The following FGF13 variants were observed in gnomAD, a reference collection of about 807,000 sequenced individuals.
FGF13 encodes the protein fibroblast growth factor homologous factor 2.
A neutral mutation model predicts 19.5 loss-of-function variants in FGF13; 2 were observed. The ratio of observed to expected loss-of-function variants is 0.10; its 90% CI spans 0.04 to 0.32. The LOEUF is 0.32. FGF13 is among the 10% of genes least tolerant of loss of function. The pLI is 1.00. For missense variants in FGF13, 113 were observed against 192.7 expected (o/e 0.59, Z 2.45); for synonymous variants, 72 against 76.9 (o/e 0.94, Z 0.33).
At chrX:138,770,637 T>C (rs1167503228) in intron 3 of FGF13, among the ~76,000 whole-genome samples, 1 of 111,730 alleles carries the variant, frequency 9.0e-6, no homozygotes, top group Non-Finnish European at 1.9e-5. Flanking sequence ...TGCTTGTCTG[T>C]CCCATGCCAG....
In FGF13 at chrX:138,980,364, A is replaced by G. The variant is rs184552712; in HGVS notation, c.-112-115714T>C. On this transcript the variant is annotated intron_variant, in intron 1 of 2. Coordinates refer to the FGF13 transcript ENST00000421460. ...TGCAAATCTCCTTGAAACATGTAGC[A>G]TCCTACCTTTCAAATTCTTAAGTAG... is the stretch of plus-strand genomic sequence containing the variant. Among the ~76,000 whole-genome samples, 3 of 111,857 alleles carry G rather than the reference A, an allele frequency of 2.7e-5. No individual in the cohort carries two copies. In the East Asian group the frequency reaches 8.4e-4, roughly 31 times the overall value.
intron 3 of FGF13, among the ~76,000 whole-genome samples, chrX:138,664,838 A>T (rs1382968012): frequency 9.0e-6 from 1 of 111,548 alleles, no homozygotes; most frequent in Non-Finnish European, 1.9e-5. Context: ...TAGGAAACAT[A>T]CTACTTATTT....
chrX:138,682,871 T>C, intron 3 of FGF13, among the ~76,000 whole-genome samples: 1 of 112,113 alleles, frequency 8.9e-6, no homozygotes, highest in Non-Finnish European at 1.9e-5. Flanking sequence ...AGGACTTATA[T>C]TACTTTTGCT....
intron 1 of FGF13, among the ~76,000 whole-genome samples, chrX:139,161,129 A>G (rs1447961254): frequency 8.9e-6 from 1 of 112,241 alleles, no homozygotes; most frequent in Admixed American, 9.4e-5. Context: ...CTAGCAGCAC[A>G]TTAAAAAGCT....
chrX:138,848,450 A>T lies in FGF13; in HGVS notation c.217+9062T>A, dbSNP rs770221972. 2.2e-3 allele frequency among the ~76,000 whole-genome samples: 247 copies of T among 111,017 alleles called. 1 individual carries two copies. The highest frequency in any genetic ancestry group is 2.9e-3 in the Non-Finnish European group (155 of 52,813). ...CATTAGAATCACTTAGATAGATTTTAAAAAAAAGTACCCCTGTTGAGCCGC... is the reference window on the plus strand; with the variant it reads ...CATTAGAATCACTTAGATAGATTTTTAAAAAAAGTACCCCTGTTGAGCCGC... On this transcript the variant is annotated intron_variant, in intron 3 of 6. Transcript: ENST00000436198.
chrX:139,168,771 C>T (rs771261233), intron 1 of FGF13, among the ~76,000 whole-genome samples: 248 of 111,755 alleles, frequency 2.2e-3, no homozygotes, highest in Non-Finnish European at 3.7e-3. Context: ...ACCATAGCAT[C>T]CAATTTTGTA....
intron 3 of FGF13, among the ~76,000 whole-genome samples, chrX:138,779,434 T>A (rs1212198048): frequency 1.8e-5 from 2 of 109,633 alleles, no homozygotes; most frequent in African/African-American, 6.7e-5. Context: ...TAGAAGAATG[T>A]ATAACTAGAA....
chrX:138,641,511 A>G (rs2089251143), intron 3 of FGF13, among the ~76,000 whole-genome samples: 1 of 112,277 alleles, frequency 8.9e-6, no homozygotes, highest in Non-Finnish European at 1.9e-5. Flanking sequence ...ATTATTCCCC[A>G]GCCTAATGAA....
chrX:139,109,533 TAAGAGTATGGGCTTAA>T (rs1196263423), intron 1 of FGF13, among the ~76,000 whole-genome samples: 3 of 111,520 alleles, frequency 2.7e-5, no homozygotes, highest in Non-Finnish European at 5.7e-5. Flanking sequence ...TCTCGGCTAT[TAAGAGTATGGGCTTAA>T]AGTCAGGCAG....
intron 1 of FGF13, among the ~76,000 whole-genome samples, chrX:139,014,756 T>C (rs2092145878): frequency 9.0e-6 from 1 of 111,323 alleles, no homozygotes; most frequent in African/African-American, 3.3e-5. Context: ...CAGACAAAGA[T>C]ACATCAAAAA....
At chrX:139,011,669 G>A (rs900657088) in intron 1 of FGF13, among the ~76,000 whole-genome samples, 2 of 111,388 alleles carry the variant, frequency 1.8e-5, no homozygotes, top group African/African-American at 6.5e-5. Flanking sequence ...CAGCAAAATC[G>A]GCATAGAAGC....
intron 1 of FGF13, among the ~76,000 whole-genome samples, chrX:138,867,821 CT>C (rs1453899286): frequency 6.6e-4 from 69 of 104,495 alleles, no homozygotes; most frequent in East Asian, 2.3e-3. Context: ...ATCTATCTAT[CT>C]ATCTATCTAT....
intron 1 of FGF13, among the ~76,000 whole-genome samples, chrX:138,725,649 T>C (rs1259312323): frequency 9.0e-6 from 1 of 111,577 alleles, no homozygotes; most frequent in Non-Finnish European, 1.9e-5. Context: ...GCAGATGGTG[T>C]TCATGATTGC....
chrX:139,162,745 A>G (rs763749079), intron 1 of FGF13, among the ~76,000 whole-genome samples: 1 of 112,468 alleles, frequency 8.9e-6, no homozygotes, highest in African/African-American at 3.2e-5. Context: ...ATGAACAGAC[A>G]CTTCTCAAAA....
chrX:139,121,837 G>A (rs1165531663), intron 1 of FGF13, among the ~76,000 whole-genome samples: 1 of 111,406 alleles, frequency 9.0e-6, no homozygotes, highest in Admixed American at 9.6e-5. Context: ...AAGCACCAAG[G>A]CCAGTCAGGA....
chrX:139,020,105 T>C (rs186085839), intron 1 of FGF13, among the ~76,000 whole-genome samples: 180 of 111,293 alleles, frequency 1.6e-3, no homozygotes, highest in African/African-American at 5.6e-3. Context: ...CTATTTAATA[T>C]CAGGATAATT....
At position 138,871,933 on chromosome X, in the gene FGF13, G is replaced by A. The variant is rs1334917579; in HGVS notation, c.-112-7283C>T. Among the ~76,000 whole-genome samples, 11 of 111,839 alleles carry A rather than the reference G, an allele frequency of 9.8e-5. No homozygotes were observed. The Admixed American group carries it at 1.0e-3, about 11-fold the overall frequency. On this transcript the variant is annotated intron_variant, in intron 1 of 2. Transcript: ENST00000421460. ...GGCAGCCACTGGATAGTGTCAGGCA[G>A]AAGAATGATGTGAGCTGGCTTATGT...
chrX:139,129,148 C>T (rs1235704249), intron 1 of FGF13, among the ~76,000 whole-genome samples: 5 of 83,302 alleles, frequency 6.0e-5, no homozygotes, highest in African/African-American at 2.6e-4. Flanking sequence ...CACATACATA[C>T]ACACATACAC....
At chrX:139,186,403 T>C (rs1189553352) in intron 1 of FGF13, among the ~76,000 whole-genome samples, 1 of 111,715 alleles carries the variant, frequency 9.0e-6, no homozygotes, top group African/African-American at 3.3e-5. Context: ...TCCTGGATAG[T>C]GCTCTCAAAT....
Sources: allele counts gnomAD v4.1 joint callset (sites outside exome capture counted in the v4.1 genomes callset), GRCh38; gene constraint gnomAD v4.1.1; transcripts MANE v1.5; gene names NCBI Gene and HGNC (gene_info 2026-07-23, HGNC 2026-07-21).